Variants in LIPC observed in about 807,000 individuals in gnomAD.
The protein encoded by LIPC is lipase C, hepatic type, also known as hepatic triacylglycerol lipase.
Under a neutral mutation model 50.7 loss-of-function variants are expected in LIPC, and 44 were observed. That is an observed-to-expected ratio of 0.87 (90% CI 0.68 to 1.11). LIPC has a LOEUF of 1.11. Ranked by LOEUF, LIPC falls within the 50% of genes most tolerant of loss-of-function variation. LIPC has a pLI of 0.00. For missense variants in LIPC, 697 were observed against 648.2 expected (o/e 1.08, Z -0.82); for synonymous variants, 271 against 256.4 (o/e 1.06, Z -0.54).
At chr15:58,494,920 CA>C in intron 1 of LIPC, 1 of 455,188 alleles carries the variant, frequency 2.2e-6, no homozygotes, top group South Asian at 1.6e-5. Flanking sequence ...AATATTAGTC[CA>C]GTCCCTCACT....
intron 1 of LIPC, among the ~76,000 whole-genome samples, chr15:58,525,847 T>C (rs751819922): frequency 5.3e-4 from 80 of 152,346 alleles, no homozygotes; most frequent in Non-Finnish European, 1.1e-3. Context: ...AGGAGGAAGA[T>C]GTTACAATAG....
intron 1 of LIPC, among the ~76,000 whole-genome samples, chr15:58,532,352 A>C (rs1039947049): frequency 1.3e-5 from 2 of 152,192 alleles, no homozygotes; most frequent in African/African-American, 4.8e-5. Flanking sequence ...CTGACCACAG[A>C]AGCCAGGGAC....
At chr15:58,544,063 CT>C (rs1335469294) in intron 4 of LIPC, among the ~76,000 whole-genome samples, 3 of 152,308 alleles carry the variant, frequency 2.0e-5, no homozygotes, top group East Asian at 1.9e-4. Context: ...TTTCCTCATG[CT>C]TTTTTGTTCA....
In LIPC at chr15:58,563,526, T is replaced by G; in HGVS notation, c.1191T>G (p.Asn397Lys). 6.2e-7 allele frequency: 1 copy of G among 1,614,144 alleles called. No individual in the cohort carries two copies. ...PITLGKGIAS[N>K]KTYSFLITLD... Reference sequence around the variant, plus strand: ...CAAGGGGCAAAGGAATTGCTAGTAATAAAACGTATTCCTTTCTTATCACGC... The same window carrying G: ...CAAGGGGCAAAGGAATTGCTAGTAAGAAAACGTATTCCTTTCTTATCACGC... The change falls in exon 8 of 9, where the codon AAT (asparagine) becomes AAG (lysine). Residue 397 changes from asparagine (N) to lysine (K), a missense_variant. Asn to Lys is a moderately conservative substitution (Grantham distance 94, BLOSUM62 0). Transcript: ENST00000299022.
chr15:58,494,459 T>C (rs754292202), intron 1 of LIPC, among the ~76,000 whole-genome samples: 6 of 152,194 alleles, frequency 3.9e-5, no homozygotes, highest in Non-Finnish European at 8.8e-5. Flanking sequence ...TTTACGCTGT[T>C]TGCACTTACA....
chr15:58,516,205 G>A (rs1298669884), intron 1 of LIPC, among the ~76,000 whole-genome samples: 2 of 143,468 alleles, frequency 1.4e-5, no homozygotes, highest in African/African-American at 2.6e-5. Flanking sequence ...CTTTGTCACT[G>A]AGTATGCAGT....
chr15:58,471,430 G>C (rs1323692097), intron 1 of LIPC, among the ~76,000 whole-genome samples: 2 of 151,948 alleles, frequency 1.3e-5, no homozygotes, highest in Admixed American at 6.5e-5. Flanking sequence ...TTACAGGTGT[G>C]AGCCATCACA....
At chr15:58,537,599 G>T (rs760011167) in intron 1 of LIPC, among the ~76,000 whole-genome samples, 1 of 152,094 alleles carries the variant, frequency 6.6e-6, no homozygotes, top group Non-Finnish European at 1.5e-5. Context: ...TGTATGCAAG[G>T]TTGCATGCCT....
At chr15:58,440,349 T>C (rs148854464) in intron 1 of LIPC, among the ~76,000 whole-genome samples, 2 of 152,318 alleles carry the variant, frequency 1.3e-5, no homozygotes, top group East Asian at 3.9e-4. Flanking sequence ...GACTGACCTT[T>C]CCGTGACTGC....
chr15:58,493,618 C>T lies in LIPC; in HGVS notation c.89-44715C>T, dbSNP rs900582544. ...AATAAAATTTATACAAAATTTATTA[C>T]GTATAAATAAAATTTATACAAAATT... On this transcript the variant is annotated intron_variant, in intron 1 of 8. Coordinates refer to ENST00000299022, the MANE Select transcript of LIPC (RefSeq NM_000236.3). 4.6e-4 allele frequency among the ~76,000 whole-genome samples: 62 copies of T among 135,826 alleles called. 2 individuals carry two copies. Among genetic ancestry groups the T allele is most frequent in the African/African-American group, 1.5e-3 (56 of 36,360 alleles). The allele number at this position is 135,826 out of a possible 152,430, so 89.1% of individuals were successfully genotyped here. A position where few individuals can be genotyped will look rare whatever the true frequency, so the allele number is the denominator to read the frequency against.
intron 1 of LIPC, among the ~76,000 whole-genome samples, chr15:58,437,810 C>T (rs1204815065): frequency 1.3e-5 from 2 of 152,322 alleles, no homozygotes; most frequent in East Asian, 3.9e-4. Flanking sequence ...CTGGAATCAG[C>T]AGAGGGCCAG....
At chr15:58,563,070 A>C (rs1443782714) in intron 7 of LIPC, among the ~76,000 whole-genome samples, 2 of 152,178 alleles carry the variant, frequency 1.3e-5, no homozygotes, top group African/African-American at 4.8e-5. Context: ...CTGTTTTAAC[A>C]GAGGTTTCTA....
chr15:58,460,384 A>C (rs1894299117), intron 1 of LIPC, among the ~76,000 whole-genome samples: 1 of 152,230 alleles, frequency 6.6e-6, no homozygotes, highest in Non-Finnish European at 1.5e-5. Flanking sequence ...GGAAAGGTGA[A>C]GGCTGGATGG....
chr15:58,485,630 C>A (rs1416210809), intron 1 of LIPC, among the ~76,000 whole-genome samples: 1 of 152,192 alleles, frequency 6.6e-6, no homozygotes, highest in Non-Finnish European at 1.5e-5. Flanking sequence ...CTGGACCAGG[C>A]ACTTATTTGG....
intron 1 of LIPC, among the ~76,000 whole-genome samples, chr15:58,476,511 G>T (rs1308393743): frequency 6.6e-6 from 1 of 152,164 alleles, no homozygotes; most frequent in Non-Finnish European, 1.5e-5. Context: ...CATGCAGCTG[G>T]GGAAACTGAA....
chr15:58,446,726 G>A (rs148908790), intron 1 of LIPC, among the ~76,000 whole-genome samples: 102 of 152,270 alleles, frequency 6.7e-4, no homozygotes, highest in African/African-American at 2.3e-3. Context: ...CAAGGGCAGT[G>A]GCCAGTCTTA....
intron 1 of LIPC, among the ~76,000 whole-genome samples, chr15:58,488,432 C>G (rs1392342604): frequency 6.6e-6 from 1 of 152,226 alleles, no homozygotes; most frequent in Non-Finnish European, 1.5e-5. Context: ...CTGTTAGGCA[C>G]TAGGCACTGT....
At chr15:58,466,793 A>G (rs1357951346) in intron 1 of LIPC, among the ~76,000 whole-genome samples, 2 of 152,224 alleles carry the variant, frequency 1.3e-5, no homozygotes, top group African/African-American at 4.8e-5. Context: ...TGCAAAGCAC[A>G]TGGTTTCCTT....
At chr15:58,500,013 G>T (rs986704379) in intron 1 of LIPC, among the ~76,000 whole-genome samples, 1 of 152,174 alleles carries the variant, frequency 6.6e-6, no homozygotes, top group African/African-American at 2.4e-5. Context: ...AGTAAGGAGA[G>T]TAAGGTATAG....
Sources: gnomAD v4.1 joint callset for allele counts (sites outside exome capture counted in the v4.1 genomes callset) on GRCh38, gnomAD v4.1.1 for gene constraint, MANE v1.5 for transcripts, NCBI Gene and HGNC (gene_info 2026-07-23, HGNC 2026-07-21) for gene names.